CHCHD3: variants seen among roughly 807,000 people sequenced by gnomAD.
CHCHD3 encodes the protein coiled-coil-helix-coiled-coil-helix domain containing 3.
Under a neutral mutation model 38.2 loss-of-function variants are expected in CHCHD3, and 20 were observed. That is an observed-to-expected ratio of 0.52 (90% confidence interval 0.37 to 0.76). The LOEUF is 0.76. Ranked by LOEUF, CHCHD3 falls within the 30% of genes least tolerant of loss-of-function variation. The pLI is 0.00. For missense variants in CHCHD3, 245 were observed against 279.2 expected (o/e 0.88, Z 0.87); for synonymous variants, 82 against 100.0 (o/e 0.82, Z 1.07).
chr7:133,012,192 C>A (rs62465322), intron 3 of CHCHD3, among the ~76,000 whole-genome samples: 35,609 of 152,082 alleles, frequency 0.23, 5,085 homozygotes, highest in East Asian at 0.36. Flanking sequence ...CCCACTTGGG[C>A]TCCTTTTCTT....
intron 2 of CHCHD3, among the ~76,000 whole-genome samples, chr7:133,060,357 G>A (rs1374135451): frequency 1.3e-5 from 2 of 152,188 alleles, no homozygotes; most frequent in East Asian, 3.9e-4. Flanking sequence ...CTGGAGGAGA[G>A]GGGTGTGTAA....
intron 4 of CHCHD3, among the ~76,000 whole-genome samples, chr7:132,963,503 G>A (rs1393008748): frequency 6.6e-6 from 1 of 151,304 alleles, no homozygotes; most frequent in Admixed American, 6.6e-5. Flanking sequence ...ATGGTAATGG[G>A]CGCCTGTAGT....
At chr7:132,935,210 G>C (rs949324642) in intron 4 of CHCHD3, among the ~76,000 whole-genome samples, 6 of 152,192 alleles carry the variant, frequency 3.9e-5, no homozygotes, top group Admixed American at 6.5e-5. Context: ...AAAATTAGAA[G>C]TACAAGTACC....
chr7:132,993,564 C>G (rs1204412844), intron 3 of CHCHD3, among the ~76,000 whole-genome samples: 2 of 152,196 alleles, frequency 1.3e-5, no homozygotes, highest in Non-Finnish European at 2.9e-5. Flanking sequence ...CATCTGCCTA[C>G]GCACCAGAGC....
chr7:132,973,600 T>C (rs778924820), intron 4 of CHCHD3: 6 of 1,000,240 alleles, frequency 6.0e-6, no homozygotes, highest in Non-Finnish European at 7.2e-6. Context: ...CTGACATTTC[T>C]TTCTTGGTCT....
At chr7:132,944,671 T>C (rs373700641) in intron 4 of CHCHD3, among the ~76,000 whole-genome samples, 1 of 151,828 alleles carries the variant, frequency 6.6e-6, no homozygotes, top group East Asian at 1.9e-4. Context: ...ACCTCCTCCA[T>C]CCTATCCATA....
chr7:132,943,990 TTTCAAGAGAGAAAGTTTTCTCTG>T (rs1585661071), intron 4 of CHCHD3, among the ~76,000 whole-genome samples: 1 of 152,188 alleles, frequency 6.6e-6, no homozygotes, highest in East Asian at 1.9e-4. Flanking sequence ...TGATAGAAAC[TTTCAAGAGAGAAAGTTTTCTCTG>T]TGTGGGCATG....
chr7:132,893,572 C>T (rs1809422396), intron 4 of CHCHD3, among the ~76,000 whole-genome samples: 1 of 152,150 alleles, frequency 6.6e-6, no homozygotes, highest in Non-Finnish European at 1.5e-5. Context: ...TGGCAGGGGC[C>T]AGGGTGGAAT....
intron 2 of CHCHD3, among the ~76,000 whole-genome samples, chr7:133,065,935 G>C (rs1344328335): frequency 1.3e-5 from 2 of 152,162 alleles, no homozygotes; most frequent in African/African-American, 4.8e-5. Flanking sequence ...TGTACTCAAA[G>C]AACCTGTCCT....
chr7:132,883,038 C>T (rs369681302), intron 5 of CHCHD3, among the ~76,000 whole-genome samples: 2 of 141,776 alleles, frequency 1.4e-5, no homozygotes, highest in Non-Finnish European at 1.6e-5. Context: ...CCTGCACGCT[C>T]TCTCTCTCCT....
At chr7:132,912,681 G>A (rs1585630799) in intron 4 of CHCHD3, among the ~76,000 whole-genome samples, 1 of 151,992 alleles carries the variant, frequency 6.6e-6, no homozygotes, top group African/African-American at 2.4e-5. Context: ...CAGCCTCCCA[G>A]GTAGCTGGGA....
At chr7:132,893,261 G>A (rs372748624) in intron 4 of CHCHD3, among the ~76,000 whole-genome samples, 9 of 152,350 alleles carry the variant, frequency 5.9e-5, no homozygotes, top group African/African-American at 2.2e-4. Context: ...TTATTTTAGA[G>A]CTTTAAGACT....
At chr7:133,013,389 G>A (rs10274628) in intron 3 of CHCHD3, among the ~76,000 whole-genome samples, 108,343 of 151,826 alleles carry the variant, frequency 0.71, 38,778 homozygotes, top group African/African-American at 0.75. Flanking sequence ...TCTGTGTTTC[G>A]GCTACTTCAT....
chr7:132,899,561 T>C (rs933578008), intron 4 of CHCHD3, among the ~76,000 whole-genome samples: 1 of 152,212 alleles, frequency 6.6e-6, no homozygotes, highest in Non-Finnish European at 1.5e-5. Flanking sequence ...CAGCAGAGAA[T>C]GAGGTTTACA....
chr7:133,082,010 G>A lies in CHCHD3; in HGVS notation c.-73C>T, dbSNP rs963293997. ...CTTCGGGGCCCCCGCACCCACACGCGCGTGGAAGGGCCTGGATTCTTTTCC... is the reference window on the plus strand; with the variant it reads ...CTTCGGGGCCCCCGCACCCACACGCACGTGGAAGGGCCTGGATTCTTTTCC... On this transcript the variant is annotated 5_prime_UTR_variant, in exon 1 of 8. Transcript: ENST00000262570. 4 of 1,315,208 alleles carry A rather than the reference G, an allele frequency of 3.0e-6. No individual in the cohort carries two copies. In the African/African-American group the frequency reaches 6.0e-5, roughly 20 times the overall value. The allele number at this position is 1,315,208 out of a possible 1,614,324, so 81.5% of individuals were successfully genotyped here.
intron 2 of CHCHD3, among the ~76,000 whole-genome samples, chr7:133,036,777 A>T (rs1166479477): frequency 6.6e-6 from 1 of 152,216 alleles, no homozygotes; most frequent in Non-Finnish European, 1.5e-5. Flanking sequence ...GAAACTCTTC[A>T]ATTGGAGAAC....
At chr7:132,839,487 A>G (rs1201828652) in intron 5 of CHCHD3, among the ~76,000 whole-genome samples, 1 of 152,136 alleles carries the variant, frequency 6.6e-6, no homozygotes, top group East Asian at 1.9e-4. Context: ...GAGCCCTAAG[A>G]CTCAATGAAA....
At chr7:132,924,972 T>C (rs1283215126) in intron 4 of CHCHD3, among the ~76,000 whole-genome samples, 3 of 152,202 alleles carry the variant, frequency 2.0e-5, no homozygotes, top group African/African-American at 7.2e-5. Flanking sequence ...GGTGAACCTG[T>C]ATCCCTTTGA....
At chr7:132,872,589 G>C (rs6952177) in intron 5 of CHCHD3, among the ~76,000 whole-genome samples, 2 of 151,968 alleles carry the variant, frequency 1.3e-5, no homozygotes, top group African/African-American at 2.4e-5. Context: ...TAGCCTATAC[G>C]CTATAGCCGT....
Sources: allele counts gnomAD v4.1 joint callset (sites outside exome capture counted in the v4.1 genomes callset), GRCh38; gene constraint gnomAD v4.1.1; transcripts MANE v1.5; gene names NCBI Gene and HGNC (gene_info 2026-07-23, HGNC 2026-07-21).